The following GINS1 variants were observed in gnomAD, a reference collection of about 807,000 sequenced individuals.
GINS1 encodes the protein GINS complex subunit 1.
In GINS1, 26 loss-of-function variants were observed where a neutral mutation model predicts 34.9. The observed-to-expected ratio is 0.74, with a 90% CI of 0.55 to 1.03. The LOEUF is 1.03. Among genes scored for constraint, GINS1 ranks in the 50% least tolerant of loss-of-function variants. The pLI is 0.00. For missense variants in GINS1, 235 were observed against 237.9 expected, an observed-to-expected ratio of 0.99 and a Z score of 0.08; for synonymous variants, 97 against 84.4, an observed-to-expected ratio of 1.15 and a Z score of -0.82.
chr20:25,444,746 C>T (rs2090501817), intron 6 of GINS1, among the ~76,000 whole-genome samples: 1 of 152,216 alleles, frequency 6.6e-6, no homozygotes, highest in Non-Finnish European at 1.5e-5. Context: ...TTCCACCTGC[C>T]CCTGGTTCCC....
chr20:25,418,781 G>C (rs1420161547), intron 4 of GINS1, among the ~76,000 whole-genome samples: 1 of 152,206 alleles, frequency 6.6e-6, no homozygotes, highest in Non-Finnish European at 1.5e-5. Context: ...TGTCCAGAGT[G>C]TTTATTGGGG....
chr20:25,444,293 G>A (rs752622027), intron 6 of GINS1, among the ~76,000 whole-genome samples: 5 of 152,102 alleles, frequency 3.3e-5, no homozygotes, highest in South Asian at 2.1e-4. Context: ...GATTACAGGC[G>A]TGAGCCACTG....
At chr20:25,419,482 A>G (rs1466355947) in intron 4 of GINS1, among the ~76,000 whole-genome samples, 2 of 152,198 alleles carry the variant, frequency 1.3e-5, no homozygotes, top group East Asian at 3.9e-4. Flanking sequence ...CCTCAGATTT[A>G]CCAGTGACTA....
intron 5 of GINS1, among the ~76,000 whole-genome samples, chr20:25,435,709 G>T (rs1166055674): frequency 7.6e-6 from 1 of 132,390 alleles, no homozygotes; most frequent in Non-Finnish European, 1.6e-5. Flanking sequence ...AGGTTGCAGT[G>T]AGCCGAGATC....
intron 4 of GINS1, among the ~76,000 whole-genome samples, chr20:25,424,831 A>C (rs1415747756): frequency 1.3e-5 from 2 of 152,212 alleles, no homozygotes; most frequent in African/African-American, 2.4e-5. Context: ...TCCATTCATC[A>C]GCTGGTGGAC....
At chr20:25,443,476 CTTTTTTTT>C in intron 6 of GINS1, among the ~76,000 whole-genome samples, 1 of 124,728 alleles carries the variant, frequency 8.0e-6, no homozygotes, top group South Asian at 2.6e-4. Context: ...GGTTGAATTT[CTTTTTTTT>C]TTTTTTTTTT....
chr20:25,411,486 C>T (rs1420761436), intron 1 of GINS1, among the ~76,000 whole-genome samples: 2 of 152,088 alleles, frequency 1.3e-5, no homozygotes, highest in Admixed American at 1.3e-4. Context: ...CGATTGTTGG[C>T]AGACCTATTG....
intron 6 of GINS1, among the ~76,000 whole-genome samples, chr20:25,445,184 AGC>A (rs2090504113): frequency 1.3e-5 from 2 of 152,196 alleles, no homozygotes; most frequent in Non-Finnish European, 2.9e-5. Flanking sequence ...GGATTAAAAC[AGC>A]AAATATAGTT....
rs1399820041 is a variant in GINS1 at position 25,410,711 on chromosome 20, G to C, written c.75+2816G>C. 2.0e-5 allele frequency among the ~76,000 whole-genome samples: 3 copies of C among 152,036 alleles called. 1 individual carries two copies. The highest frequency in any genetic ancestry group is 4.4e-5 in the Non-Finnish European group (3 of 68,006). Reference sequence around the variant, plus strand: ...CTAGTAGCTGGGATTACAGGCGCCTGCCACCATGCCCAGATAATTTTATGT... The same window carrying C: ...CTAGTAGCTGGGATTACAGGCGCCTCCCACCATGCCCAGATAATTTTATGT... On this transcript the variant is annotated intron_variant, in intron 1 of 6. Transcript: ENST00000262460.
chr20:25,407,826 C>A lies in GINS1; in HGVS notation c.6C>A (p.Phe2Leu). M[F>L]CEKAMELIRE... The stretch of plus-strand genomic sequence containing the variant: ...GGGAGTGGGAAGCGTCCGCCATGTT[C>A]TGCGAAAAAGCCATGGAACTGATCC... The change falls in exon 1 of 7, where the codon TTC (phenylalanine) becomes TTA (leucine). Residue 2 changes from phenylalanine to leucine, a missense_variant. Phe to Leu is a conservative substitution (Grantham distance 22). Transcript: ENST00000262460. 1 of 1,613,820 alleles carries A rather than the reference C, an allele frequency of 6.2e-7. No homozygotes were observed. The highest frequency in any genetic ancestry group is 2.2e-5 in the East Asian group (1 of 44,884).
rs920597670 is a variant in GINS1 at position 25,413,619 on chromosome 20, A to G, written c.76-171A>G. ...CCCACCAGCAATGTACGAGGGTTCC[A>G]GTTTCTCCGCATCTCACCAACACTT... On this transcript the variant is annotated intron_variant, in intron 1 of 6. Coordinates refer to ENST00000262460, the MANE Select transcript of GINS1 (RefSeq NM_021067.5). 8 of 588,782 alleles carry G rather than the reference A, an allele frequency of 1.4e-5. No individual in the cohort carries two copies. In the East Asian group the frequency reaches 2.3e-4, roughly 17 times the overall value. The allele number at this position is 588,782 out of a possible 1,614,324, so 36.5% of individuals were successfully genotyped here.
chr20:25,441,872 G>A (rs779677003), intron 6 of GINS1, 96 bp downstream of exon 6: 89 of 669,612 alleles, frequency 1.3e-4, no homozygotes, highest in Non-Finnish European at 2.0e-4. Context: ...TTTGATGATC[G>A]TTTATATATT....
intron 4 of GINS1, 59 bp downstream of exon 4, chr20:25,418,254 C>A: frequency 4.2e-6 from 4 of 959,906 alleles, no homozygotes; most frequent in South Asian, 1.3e-5. Flanking sequence ...TGGCATTGTT[C>A]TATAATAGTG....
rs570958207 is a variant in GINS1, at chr20:25,427,627, A to G, written c.447+2300A>G. Among the ~76,000 whole-genome samples, 31 of 152,270 alleles carry G rather than the reference A, an allele frequency of 2.0e-4. No homozygotes were observed. In the East Asian group the frequency reaches 4.8e-3, roughly 24 times the overall value. ...TCTTCTTTGGAGAAATGTTTATTCAAATAATTGGCCCCCTTTATGGGGCCC... is the reference window on the plus strand; with the variant it reads ...TCTTCTTTGGAGAAATGTTTATTCAGATAATTGGCCCCCTTTATGGGGCCC... On this transcript the variant is annotated intron_variant, in intron 5 of 6. Transcript: ENST00000262460.
At chr20:25,413,168 C>T (rs2090297439) in intron 1 of GINS1, among the ~76,000 whole-genome samples, 1 of 151,906 alleles carries the variant, frequency 6.6e-6, no homozygotes, top group African/African-American at 2.4e-5. Flanking sequence ...TCCCCTGCCT[C>T]AGCCTCCTGA....
intron 4 of GINS1, among the ~76,000 whole-genome samples, chr20:25,420,407 C>T (rs2090347881): frequency 6.6e-6 from 1 of 152,136 alleles, no homozygotes; most frequent in Admixed American, 6.5e-5. Context: ...GCTGGGATTA[C>T]AAGTGTGAGC....
chr20:25,413,850 G>A lies in GINS1; in HGVS notation c.136G>A (p.Asp46Asn). 6.6e-7 allele frequency: 1 copy of A among 1,524,142 alleles called. No individual in the cohort carries two copies. The highest frequency in any genetic ancestry group is 9.1e-7 in the Non-Finnish European group (1 of 1,097,868). 94.4% of individuals were successfully genotyped at this position (1,524,142 alleles called of 1,614,324 possible). A position where few individuals can be genotyped will look rare whatever the true frequency, so the allele number is the denominator to read the frequency against. The change falls in exon 2 of 7, where the codon GAT (aspartate) becomes AAT (asparagine). Residue 46 changes from aspartate (D) to asparagine (N), a missense_variant. Asp to Asn is a conservative substitution (Grantham distance 23). Transcript: ENST00000262460. ...MKALYEQNQS[D>N]VNEAKSGGRS... is the part of the protein sequence containing the mutation. ...AGCTTTGTATGAACAAAACCAGTCTGATGTGTAAGTTTCATAAGATGATAT... is the reference window on the plus strand; with the variant it reads ...AGCTTTGTATGAACAAAACCAGTCTAATGTGTAAGTTTCATAAGATGATAT...
intron 1 of GINS1, 108 bp downstream of exon 1, chr20:25,408,003 T>C (rs2090258095): frequency 1.3e-6 from 1 of 774,166 alleles, no homozygotes; most frequent in South Asian, 1.5e-5. Context: ...CCCTCCGAGC[T>C]CCGGAAAACT....
chr20:25,410,231 C>T (rs370152275), intron 1 of GINS1, among the ~76,000 whole-genome samples: 1 of 152,024 alleles, frequency 6.6e-6, no homozygotes, highest in African/African-American at 2.4e-5. Context: ...GTCCCAGCTA[C>T]TCGGAAGGCT....
Sources: gnomAD v4.1 joint callset for allele counts (sites outside exome capture counted in the v4.1 genomes callset) on GRCh38, gnomAD v4.1.1 for gene constraint, MANE v1.5 for transcripts, NCBI Gene and HGNC (gene_info 2026-07-23, HGNC 2026-07-21) for gene names.